C4orf36: variants seen among roughly 807,000 people sequenced by gnomAD.
C4orf36 encodes uncharacterized protein C4orf36.
Under a neutral mutation model 12.2 loss-of-function variants are expected in C4orf36, and 11 were observed. That is an observed-to-expected ratio of 0.90 (90% confidence interval 0.57 to 1.49). The LOEUF is 1.49. Among genes scored for constraint, C4orf36 ranks in the 40% most tolerant of loss-of-function variants. The pLI is 0.00. For missense variants in C4orf36, 137 were observed against 133.9 expected (o/e 1.02, Z -0.11); for synonymous variants, 54 against 51.3 (o/e 1.05, Z -0.22).
At chr4:86,899,586 G>C in the C4orf36 span, among the ~76,000 whole-genome samples, 1 of 152,182 alleles carries the variant, frequency 6.6e-6, no homozygotes, top group Non-Finnish European at 1.5e-5. Context: ...ACTTTCAAGA[G>C]GCAGTGGTGG....
At chr4:86,926,504 G>C in the C4orf36 span, among the ~76,000 whole-genome samples, 3 of 152,158 alleles carry the variant, frequency 2.0e-5, no homozygotes, top group Admixed American at 6.5e-5. Flanking sequence ...CAAAACAAAA[G>C]AGGGCCTCCA....
chr4:86,876,851 A>T (rs2149418893), intron 4 of C4orf36, among the ~76,000 whole-genome samples: 1 of 152,354 alleles, frequency 6.6e-6, no homozygotes, highest in South Asian at 2.1e-4. Flanking sequence ...TAGAACCCAG[A>T]TCTACTAAAA....
chr4:86,913,343 G>A, the C4orf36 span: 19 of 828,934 alleles, frequency 2.3e-5, no homozygotes, highest in South Asian at 1.6e-4. Flanking sequence ...CAAAATTTGC[G>A]ACAATCTTGC....
At chr4:86,894,616 G>A (rs6820828), upstream of C4orf36, among the ~76,000 whole-genome samples, 1,016 of 152,298 alleles carry the variant, frequency 6.7e-3, 13 homozygotes, top group African/African-American at 0.023. Context: ...TCCAGCATAT[G>A]CATAAAATTC....
the C4orf36 span, chr4:86,924,913 G>C: frequency 6.6e-6 from 1 of 152,174 alleles, no homozygotes; most frequent in Admixed American, 6.5e-5. Context: ...TGCTGGCATC[G>C]GCTTATCTTC....
At chr4:86,921,969 T>C in the C4orf36 span, among the ~76,000 whole-genome samples, 2 of 152,226 alleles carry the variant, frequency 1.3e-5, no homozygotes, top group Non-Finnish European at 2.9e-5. Context: ...ATTTCAAGTA[T>C]AATTTTTTAG....
chr4:86,910,835 G>T, the C4orf36 span, among the ~76,000 whole-genome samples: 1 of 152,144 alleles, frequency 6.6e-6, no homozygotes, highest in Non-Finnish European at 1.5e-5. Context: ...GGAGGCCGAG[G>T]CGGGTGGATC....
At chr4:86,926,764 C>A in the C4orf36 span, among the ~76,000 whole-genome samples, 1 of 152,166 alleles carries the variant, frequency 6.6e-6, no homozygotes, top group Non-Finnish European at 1.5e-5. Flanking sequence ...CCGGGTCATT[C>A]TCAGGGTATG....
the C4orf36 span, among the ~76,000 whole-genome samples, chr4:86,905,596 G>A: frequency 6.6e-6 from 1 of 152,114 alleles, no homozygotes; most frequent in East Asian, 1.9e-4. Flanking sequence ...ATGTTAGACA[G>A]AGTTTTGGGG....
intron 4 of C4orf36, among the ~76,000 whole-genome samples, chr4:86,885,058 T>C (rs1180980145): frequency 6.6e-6 from 1 of 152,178 alleles, no homozygotes; most frequent in Non-Finnish European, 1.5e-5. Flanking sequence ...TTGGTCTATA[T>C]CTCTGTTTTG....
At chr4:86,887,672 C>A in intron 4 of C4orf36, 86 bp downstream of exon 4, 2 of 1,537,668 alleles carry the variant, frequency 1.3e-6, no homozygotes, top group African/African-American at 1.4e-5. Context: ...CAAATATCTG[C>A]CCTGAACTAT....
the C4orf36 span, chr4:86,934,547 T>C: frequency 1.3e-5 from 2 of 152,126 alleles, no homozygotes; most frequent in Non-Finnish European, 2.9e-5. Context: ...TTTATAAGAT[T>C]GTTGTGAAGA....
At chr4:86,889,405 T>C (rs779946213) in intron 2 of C4orf36, among the ~76,000 whole-genome samples, 2 of 151,524 alleles carry the variant, frequency 1.3e-5, no homozygotes, top group Non-Finnish European at 2.9e-5. Flanking sequence ...AAGAGCCTGA[T>C]TAAACAAACT....
upstream of C4orf36, among the ~76,000 whole-genome samples, chr4:86,893,581 C>CAAAA (rs559916313): frequency 1.3e-4 from 18 of 135,330 alleles, no homozygotes; most frequent in Non-Finnish European, 2.2e-4. Context: ...GACTCCATCT[C>CAAAA]AAAAAAAAAA....
At position 86,876,253 on chromosome 4, in the gene C4orf36, C is replaced by CT. The variant is rs1746922804; in HGVS notation, c.*192dup. The CT allele has an allele frequency of 1.8e-6, 1 of 570,544 alleles. No homozygotes were observed. The highest frequency in any genetic ancestry group is 1.9e-5 in the African/African-American group (1 of 52,822). 35.3% of individuals were successfully genotyped at this position (570,544 alleles called of 1,614,324 possible). On this transcript the variant is annotated 3_prime_UTR_variant, in exon 5 of 5. Coordinates refer to ENST00000295898, the MANE Select transcript of C4orf36 (RefSeq NM_144645.4). ...GGCAATGTTTAAAAAGAGAAACAAA[C>CT]TGAGTTCCACTGAAATTAAGAGATT...
the C4orf36 span, chr4:86,914,292 A>G: frequency 6.4e-7 from 1 of 1,565,384 alleles, no homozygotes; most frequent in Non-Finnish European, 8.7e-7. Flanking sequence ...ACAAGTGACG[A>G]TGCGGTCGCT....
chr4:86,907,782 A>G, the C4orf36 span, among the ~76,000 whole-genome samples: 1 of 151,900 alleles, frequency 6.6e-6, no homozygotes, highest in African/African-American at 2.4e-5. Flanking sequence ...TTCGAGACCA[A>G]CATGACAAAA....
intron 4 of C4orf36, among the ~76,000 whole-genome samples, chr4:86,881,032 CAAA>C (rs35264730): frequency 9.7e-5 from 10 of 103,064 alleles, no homozygotes; most frequent in Admixed American, 9.7e-5. Context: ...GATTCCGCCT[CAAA>C]AAAAAAAAAA....
the C4orf36 span, chr4:86,925,565 G>A: frequency 6.6e-6 from 1 of 152,124 alleles, no homozygotes; most frequent in African/African-American, 2.4e-5. Context: ...TTTTAAATAT[G>A]AAATTCTAAG....
Sources: allele counts gnomAD v4.1 joint callset (sites outside exome capture counted in the v4.1 genomes callset), GRCh38; gene constraint gnomAD v4.1.1; transcripts MANE v1.5; gene names NCBI Gene and HGNC (gene_info 2026-07-23, HGNC 2026-07-21).